The following RBPMS variants were observed in gnomAD, a reference collection of about 807,000 sequenced individuals.
The protein encoded by RBPMS is RNA-binding protein with multiple splicing.
A neutral mutation model predicts 26.8 loss-of-function variants in RBPMS; 7 were observed. That is an observed-to-expected ratio of 0.26 (90% CI 0.15 to 0.49). The LOEUF (loss-of-function observed/expected upper bound fraction) is 0.49. Ranked by LOEUF, RBPMS falls within the 20% of genes least tolerant of loss-of-function variation. RBPMS has a pLI of 0.98. For synonymous variants in RBPMS, 96 were observed against 93.3 expected, an observed-to-expected ratio of 1.03 and a Z score of -0.17; for missense variants, 186 against 250.0, an observed-to-expected ratio of 0.74 and a Z score of 1.73.
chr8:30,543,694 T>A (rs971817728), intron 5 of RBPMS, among the ~76,000 whole-genome samples: 1 of 152,200 alleles, frequency 6.6e-6, no homozygotes, highest in East Asian at 1.9e-4. Context: ...TGCTTCCTGA[T>A]ACATGGGAGG....
At chr8:30,453,377 TA>T (rs1471868361) in intron 1 of RBPMS, among the ~76,000 whole-genome samples, 5 of 152,352 alleles carry the variant, frequency 3.3e-5, no homozygotes, top group African/African-American at 1.2e-4. Context: ...TACAACTCTT[TA>T]TAAGTAGGAA....
rs547823706 is a variant in RBPMS, at chr8:30,418,329, G to A, written c.66+33171G>A. The stretch of plus-strand genomic sequence containing the variant: ...ACTCCTGGGCTCAAGGGGTCCTCCC[G>A]CCTCAGTCTCCCCAGTAGCTGGGAC... On this transcript the variant is annotated intron_variant, in intron 1 of 8. Coordinates refer to ENST00000397323, the MANE Select transcript of RBPMS (RefSeq NM_001008710.3). Among the ~76,000 whole-genome samples the A allele has an allele frequency of 2.6e-4, 40 of 152,196 alleles. No individual in the cohort carries two copies. In the South Asian group the frequency reaches 5.6e-3, roughly 21 times the overall value.
chr8:30,558,671 CAG>C (rs1827183872), intron 6 of RBPMS: 1 of 616,234 alleles, frequency 1.6e-6, no homozygotes, highest in Non-Finnish European at 3.0e-6. Context: ...GTGCTTTCCT[CAG>C]AGAGCTTGCC....
chr8:30,410,336 G>A (rs113521608), intron 1 of RBPMS, among the ~76,000 whole-genome samples: 59 of 152,216 alleles, frequency 3.9e-4, no homozygotes, highest in African/African-American at 1.3e-3. Flanking sequence ...AGCCTCCCAA[G>A]TAGCTGGGAC....
chr8:30,429,708 A>G (rs1388511945), intron 1 of RBPMS, among the ~76,000 whole-genome samples: 10 of 152,158 alleles, frequency 6.6e-5, no homozygotes, highest in African/African-American at 9.7e-5. Flanking sequence ...CTTGGTGTCT[A>G]CATAGTTTCT....
chr8:30,555,517 T>C (rs553070372), intron 6 of RBPMS, among the ~76,000 whole-genome samples: 13 of 152,292 alleles, frequency 8.5e-5, no homozygotes, highest in South Asian at 2.1e-4. Context: ...GCCCCTGGAA[T>C]TGTGTGCAAG....
intron 6 of RBPMS, chr8:30,556,526 G>A: frequency 1.0e-6 from 1 of 986,402 alleles, no homozygotes. Context: ...TGTGTCTCCT[G>A]TGAAACACCG....
intron 1 of RBPMS, among the ~76,000 whole-genome samples, chr8:30,410,833 T>C (rs1369013458): frequency 3.3e-5 from 5 of 151,066 alleles, no homozygotes; most frequent in Non-Finnish European, 5.9e-5. Flanking sequence ...AGTCCCAAGC[T>C]CAAGACATCT....
chr8:30,468,303 T>C (rs943843412), intron 1 of RBPMS, among the ~76,000 whole-genome samples: 21 of 152,282 alleles, frequency 1.4e-4, no homozygotes, highest in African/African-American at 5.1e-4. Flanking sequence ...ACTATTCTGG[T>C]CTATATGGTC....
At position 30,459,550 on chromosome 8, in the gene RBPMS, G is replaced by A. The variant is rs368173572; in HGVS notation, c.67-15229G>A. Among the ~76,000 whole-genome samples, 12 of 152,176 alleles carry A rather than the reference G, an allele frequency of 7.9e-5. No homozygotes were observed. In the East Asian group the frequency reaches 1.7e-3, roughly 22 times the overall value. Reference sequence around the variant, plus strand: ...AAGTAGGTCTTCCCACCTGGTGTTCGGTGACCTCTATGCTTTTAACAAAAG... The same window carrying A: ...AAGTAGGTCTTCCCACCTGGTGTTCAGTGACCTCTATGCTTTTAACAAAAG... On this transcript the variant is annotated intron_variant, in intron 1 of 8. Transcript: ENST00000397323.
Position 30,437,036 on chromosome 8 carries a change from C to T in RBPMS, c.67-37743C>T, listed in dbSNP as rs1252775361. ...CTCCTGGGTTCACGCCATTCTTCTG[C>T]CTCAGCCTCCCGAGTAGCTGGGACT... On this transcript the variant is annotated intron_variant, in intron 1 of 8. Transcript: ENST00000397323. Among the ~76,000 whole-genome samples, 3 of 151,198 alleles carry T rather than the reference C, an allele frequency of 2.0e-5. No homozygotes were observed. The East Asian group carries it at 5.9e-4, about 30-fold the overall frequency.
rs1276649125 is a variant in RBPMS at position 30,477,857 on chromosome 8, A to G, written c.183+20A>G. ...AAACAGGTAAGAATTTCAAAGTGGCATATAAAGATCACTTTTTTACTTTCC... is the reference window on the plus strand; with the variant it reads ...AAACAGGTAAGAATTTCAAAGTGGCGTATAAAGATCACTTTTTTACTTTCC... On this transcript the variant is annotated intron_variant, in intron 3 of 8. Transcript: ENST00000397323. 8.4e-6 allele frequency: 13 copies of G among 1,541,068 alleles called. No homozygotes were observed. The highest frequency in any genetic ancestry group is 2.7e-5 in the African/African-American group (2 of 73,462).
At chr8:30,488,807 T>A (rs1386402749) in intron 4 of RBPMS, among the ~76,000 whole-genome samples, 6 of 152,218 alleles carry the variant, frequency 3.9e-5, no homozygotes, top group Non-Finnish European at 8.8e-5. Context: ...AGTTTGTACC[T>A]GTAAAAAGGT....
chr8:30,458,963 C>CTT (rs1243285803), intron 1 of RBPMS, among the ~76,000 whole-genome samples: 28 of 134,064 alleles, frequency 2.1e-4, no homozygotes, highest in African/African-American at 4.9e-4. Flanking sequence ...AGCATGTTGG[C>CTT]TTTTTTTTTT....
chr8:30,389,794 TATG>T (rs1807569130), intron 1 of RBPMS, among the ~76,000 whole-genome samples: 1 of 152,060 alleles, frequency 6.6e-6, no homozygotes, highest in African/African-American at 2.4e-5. Context: ...GATTATAAAA[TATG>T]TATTATATAT....
At chr8:30,413,336 T>G (rs2979485) in intron 1 of RBPMS, among the ~76,000 whole-genome samples, 23,102 of 152,094 alleles carry the variant, frequency 0.15, 4,330 homozygotes, top group African/African-American at 0.45. Context: ...CTCCCAAAGT[T>G]CTGGGATTAC....
At chr8:30,529,796 C>T (rs1824012880) in intron 5 of RBPMS, among the ~76,000 whole-genome samples, 1 of 151,000 alleles carries the variant, frequency 6.6e-6, no homozygotes, top group Admixed American at 6.6e-5. Context: ...TCTTGTTGCC[C>T]AGGCTGGAGT....
intron 5 of RBPMS, among the ~76,000 whole-genome samples, chr8:30,532,627 G>A (rs1824355549): frequency 6.6e-6 from 1 of 152,228 alleles, no homozygotes; most frequent in Admixed American, 6.5e-5. Context: ...GAAGCTTATT[G>A]AGTCACCTTT....
At chr8:30,529,406 G>T (rs1173561732) in intron 5 of RBPMS, among the ~76,000 whole-genome samples, 1 of 151,998 alleles carries the variant, frequency 6.6e-6, no homozygotes, top group Non-Finnish European at 1.5e-5. Flanking sequence ...GGAGACTGAG[G>T]CAGGAGAATC....
Sources: allele counts gnomAD v4.1 joint callset (sites outside exome capture counted in the v4.1 genomes callset), GRCh38; gene constraint gnomAD v4.1.1; transcripts MANE v1.5; gene names NCBI Gene and HGNC (gene_info 2026-07-23, HGNC 2026-07-21).